Variants in DCLK1 observed in about 807,000 individuals in gnomAD.
The protein encoded by DCLK1 is serine/threonine-protein kinase DCLK1.
DCLK1 carries 16 observed loss-of-function variants against 86.2 expected under a neutral mutation model. The observed-to-expected ratio is 0.19, with a 90% confidence interval of 0.13 to 0.28. The LOEUF (loss-of-function observed/expected upper bound fraction) is 0.28. DCLK1 is among the 10% of genes least tolerant of loss of function. DCLK1 has a pLI of 1.00. For missense variants in DCLK1, 590 were observed against 940.2 expected (o/e 0.63, Z 4.87); for synonymous variants, 369 against 370.5 (o/e 1.00, Z 0.05).
chr13:36,000,439 A>G (rs888934210), intron 3 of DCLK1, among the ~76,000 whole-genome samples: 4 of 152,182 alleles, frequency 2.6e-5, no homozygotes, highest in African/African-American at 9.6e-5. Flanking sequence ...TGCAGGTGAC[A>G]AGCTTCATCA....
At chr13:35,871,450 ATCTACTTCCCACCAGCTGGGTTCTTG>A in intron 4 of DCLK1, 110 bp from the exon 5 acceptor site, 1 of 874,482 alleles carries the variant, frequency 1.1e-6, no homozygotes, top group Non-Finnish European at 1.8e-6. Context: ...CCTCAGTCAC[ATCTACTTCCCACCAGCTGGGTTCTTG>A]TCTATGTCAA....
At chr13:36,045,075 G>T (rs1013414564) in intron 3 of DCLK1, among the ~76,000 whole-genome samples, 5 of 150,738 alleles carry the variant, frequency 3.3e-5, no homozygotes, top group Non-Finnish European at 5.9e-5. Context: ...TGAGTAGAAG[G>T]ATTCATGACT....
intron 6 of DCLK1, chr13:35,846,707 A>G (rs1362880316): frequency 1.0e-6 from 1 of 985,238 alleles, no homozygotes; most frequent in African/African-American, 1.7e-5. Flanking sequence ...ATTTCAATCA[A>G]AGACAGTTGT....
At chr13:36,031,867 A>G (rs1882291463) in intron 3 of DCLK1, among the ~76,000 whole-genome samples, 1 of 152,134 alleles carries the variant, frequency 6.6e-6, no homozygotes, top group East Asian at 1.9e-4. Flanking sequence ...TGAACCTCCC[A>G]CCCAGATCCC....
chr13:35,825,684 T>C (rs2087503684), intron 10 of DCLK1, among the ~76,000 whole-genome samples: 1 of 152,186 alleles, frequency 6.6e-6, no homozygotes, highest in East Asian at 1.9e-4. Context: ...AAAATTAACA[T>C]TGTTGTAAAA....
In DCLK1 at chr13:35,805,680, A is replaced by T; in HGVS notation, c.1944+19T>A. On this transcript the variant is annotated intron_variant, in intron 15 of 16. Transcript: ENST00000360631. ...AGGAATGTTAGGAGAGAACAAAGGAAATGGTGCGAGTCACTTACATTAACC... is the reference window on the plus strand; with the variant it reads ...AGGAATGTTAGGAGAGAACAAAGGATATGGTGCGAGTCACTTACATTAACC... The T allele has an allele frequency of 1.2e-6, 2 of 1,606,622 alleles. No homozygotes were observed. The highest frequency in any genetic ancestry group is 1.7e-6 in the Non-Finnish European group (2 of 1,176,672).
rs1875029312 is a variant in DCLK1, at chr13:35,911,469, GGTGGGATTTCT to G, written c.823+35878_823+35888del. Reference sequence around the variant, plus strand: ...GCAGATCTCCTGTTAGAGAGAAGGTGGTGGGATTTCTGTGAGGTTTCCTTTAGTGCTGGAGC... The same window carrying G: ...GCAGATCTCCTGTTAGAGAGAAGGTGGTGAGGTTTCCTTTAGTGCTGGAGC... On this transcript the variant is annotated intron_variant, in intron 4 of 16. Transcript: ENST00000360631. 2.0e-5 allele frequency among the ~76,000 whole-genome samples: 3 copies of G among 152,174 alleles called. No individual in the cohort carries two copies. The South Asian group carries it at 6.2e-4, about 32-fold the overall frequency.
intron 3 of DCLK1, among the ~76,000 whole-genome samples, chr13:36,005,842 A>C (rs1013655502): frequency 1.3e-5 from 2 of 152,250 alleles, no homozygotes; most frequent in Non-Finnish European, 2.9e-5. Context: ...GCCATAAAAA[A>C]GAATGAGTTC....
chr13:36,004,569 G>GTTT (rs1239255405), intron 3 of DCLK1, among the ~76,000 whole-genome samples: 1 of 152,116 alleles, frequency 6.6e-6, no homozygotes, highest in Non-Finnish European at 1.5e-5. Context: ...TTGCTCACAA[G>GTTT]TTTTTTGTTG....
intron 3 of DCLK1, among the ~76,000 whole-genome samples, chr13:35,958,142 C>CACT (rs1566620662): frequency 2.0e-5 from 3 of 146,456 alleles, no homozygotes; most frequent in African/African-American, 7.9e-5. Context: ...CTATAACCAC[C>CACT]ACCACCACCA....
intron 3 of DCLK1, among the ~76,000 whole-genome samples, chr13:35,977,673 T>C (rs1006027882): frequency 1.3e-5 from 2 of 152,086 alleles, no homozygotes; most frequent in African/African-American, 2.4e-5. Flanking sequence ...CAGAGATGAA[T>C]GTTGGCAGTG....
In DCLK1 at chr13:35,826,564, A is replaced by AAGGAGGG. The variant is rs1555342400; in HGVS notation, c.1407+1070_1407+1071insCCCTCCT. Among the ~76,000 whole-genome samples the AAGGAGGG allele has an allele frequency of 2.2e-4, 10 of 46,076 alleles. 1 individual carries two copies. Among genetic ancestry groups the AAGGAGGG allele is most frequent in the East Asian group, 8.9e-4 (1 of 1,126 alleles). The allele number at this position is 46,076 out of a possible 152,430, so 30.2% of individuals were successfully genotyped here. A position where few individuals can be genotyped will look rare whatever the true frequency, so the allele number is the denominator to read the frequency against. On this transcript the variant is annotated intron_variant, in intron 10 of 16. Coordinates refer to ENST00000360631, the MANE Select transcript of DCLK1 (RefSeq NM_001330071.2). ...AAAAGAAAGAAAGAAAGAAAGAAAC[A>AAGGAGGG]AGTCCTAATTTGAAGTAGACTAAAA... is the stretch of plus-strand genomic sequence containing the variant.
At chr13:35,995,887 T>C (rs549351185) in intron 3 of DCLK1, among the ~76,000 whole-genome samples, 42 of 152,330 alleles carry the variant, frequency 2.8e-4, no homozygotes, top group East Asian at 1.7e-3. Flanking sequence ...TCTTCTATAT[T>C]AGGCTTTACT....
intron 3 of DCLK1, among the ~76,000 whole-genome samples, chr13:36,105,223 T>A (rs923588853): frequency 3.9e-5 from 6 of 152,230 alleles, no homozygotes; most frequent in African/African-American, 1.4e-4. Flanking sequence ...CATTTCCATG[T>A]GAAAAGCCAC....
intron 3 of DCLK1, among the ~76,000 whole-genome samples, chr13:35,979,752 C>T (rs545116298): frequency 6.6e-6 from 1 of 152,114 alleles, no homozygotes; most frequent in African/African-American, 2.4e-5. Context: ...CAATGTGGTA[C>T]CCTGCAATAA....
chr13:35,804,418 G>A (rs2086985989), intron 15 of DCLK1, among the ~76,000 whole-genome samples: 1 of 151,700 alleles, frequency 6.6e-6, no homozygotes, highest in Non-Finnish European at 1.5e-5. Flanking sequence ...ACAGGCATGA[G>A]TCACTGTGCC....
chr13:35,810,012 G>C (rs1240038838), intron 12 of DCLK1, among the ~76,000 whole-genome samples: 1 of 152,136 alleles, frequency 6.6e-6, no homozygotes. Context: ...CCTCCCCTCA[G>C]TGCCCCACCC....
intron 1 of DCLK1, among the ~76,000 whole-genome samples, chr13:36,130,794 C>T (rs1886336967): frequency 6.6e-6 from 1 of 152,218 alleles, no homozygotes; most frequent in African/African-American, 2.4e-5. Context: ...CTCCTCCGCC[C>T]TGGCTCTCCA....
At chr13:35,798,875 T>C (rs942827519) in intron 15 of DCLK1, among the ~76,000 whole-genome samples, 2 of 152,226 alleles carry the variant, frequency 1.3e-5, no homozygotes, top group African/African-American at 4.8e-5. Flanking sequence ...TGGAATATCT[T>C]GGGAGATTAT....
Sources: gnomAD v4.1 joint callset for allele counts (sites outside exome capture counted in the v4.1 genomes callset) on GRCh38, gnomAD v4.1.1 for gene constraint, MANE v1.5 for transcripts, NCBI Gene and HGNC (gene_info 2026-07-23, HGNC 2026-07-21) for gene names.